The following AXIN1 variants were observed in gnomAD, a reference collection of about 807,000 sequenced individuals.
The protein encoded by AXIN1 is axin 1, also known as axin-1.
Under a neutral mutation model 76.4 loss-of-function variants are expected in AXIN1, and 30 were observed. The ratio of observed to expected loss-of-function variants is 0.39; its 90% confidence interval spans 0.29 to 0.53. The LOEUF (loss-of-function observed/expected upper bound fraction) is 0.53. AXIN1 is among the 20% of genes least tolerant of loss of function. AXIN1 has a pLI of 0.66. For synonymous variants in AXIN1, 545 were observed against 501.4 expected, an observed-to-expected ratio of 1.09 and a Z score of -1.16; for missense variants, 1,140 against 1,198.8, an observed-to-expected ratio of 0.95 and a Z score of 0.72.
chr16:303,134 T>C (rs1430082363), intron 5 of AXIN1, among the ~76,000 whole-genome samples: 1 of 152,012 alleles, frequency 6.6e-6, no homozygotes, highest in East Asian at 1.9e-4. Context: ...AGTGTTGGGG[T>C]CACAGGTGTG....
At chr16:326,736 CAAAA>C (rs59159771) in intron 2 of AXIN1, among the ~76,000 whole-genome samples, 1 of 121,238 alleles carries the variant, frequency 8.2e-6, no homozygotes, top group African/African-American at 3.0e-5. Context: ...AGAGTGGGAT[CAAAA>C]AAAAAAAAAA....
chr16:301,793 C>G (rs990821875), intron 5 of AXIN1, among the ~76,000 whole-genome samples: 2 of 152,160 alleles, frequency 1.3e-5, no homozygotes, highest in African/African-American at 4.8e-5. Flanking sequence ...GACACAACAA[C>G]AAAACAGCAA....
intron 2 of AXIN1, among the ~76,000 whole-genome samples, chr16:332,742 A>G (rs2053720860): frequency 6.6e-6 from 1 of 151,930 alleles, no homozygotes; most frequent in South Asian, 2.1e-4. Context: ...TTGAAAAGAT[A>G]TGAAAACACA....
chr16:346,135 G>T lies in AXIN1; in HGVS notation c.878+13C>A, dbSNP rs921695503. 82 of 1,612,104 alleles carry T rather than the reference G, an allele frequency of 5.1e-5. No homozygotes were observed. The highest frequency in any genetic ancestry group is 7.0e-5 in the Non-Finnish European group (82 of 1,179,230). On this transcript the variant is annotated intron_variant, in intron 2 of 10. Transcript: ENST00000262320. Reference sequence around the variant, plus strand: ...GGTGAGTACAGAAAGTGGACGCCTGGCGTCGGACTCACCTGAACTCTCTGC... The same window carrying T: ...GGTGAGTACAGAAAGTGGACGCCTGTCGTCGGACTCACCTGAACTCTCTGC...
chr16:311,940 G>A (rs532104089), intron 3 of AXIN1, among the ~76,000 whole-genome samples: 11 of 152,146 alleles, frequency 7.2e-5, no homozygotes, highest in African/African-American at 2.2e-4. Flanking sequence ...AGGCATCCTC[G>A]GCTGTCACAG....
intron 4 of AXIN1, among the ~76,000 whole-genome samples, chr16:308,642 C>T (rs140420717): frequency 3.9e-5 from 6 of 152,354 alleles, no homozygotes; most frequent in Non-Finnish European, 8.8e-5. Flanking sequence ...AATCAGAGGC[C>T]GGTGGCTGTG....
At chr16:316,705 G>A (rs2053310503) in intron 2 of AXIN1, among the ~76,000 whole-genome samples, 1 of 151,912 alleles carries the variant, frequency 6.6e-6, no homozygotes, top group African/African-American at 2.4e-5. Flanking sequence ...CACCCTGACA[G>A]TCGTCAGCCT....
chr16:350,956 AC>A (rs1173360703), intron 1 of AXIN1, among the ~76,000 whole-genome samples: 2 of 151,758 alleles, frequency 1.3e-5, no homozygotes, highest in Non-Finnish European at 2.9e-5. Flanking sequence ...ACATACAGAA[AC>A]CCCATCTCTA....
rs2052430277 is a variant in AXIN1, at chr16:287,955, C to T, written c.*167G>A. On this transcript the variant is annotated 3_prime_UTR_variant, in exon 11 of 11. Transcript: ENST00000262320. ...GGGCAGGACAGAAGCTTGTGGACCA[C>T]TTGGAGGGACCCCCTACCTGCCTCT... 3 of 1,163,794 alleles carry T rather than the reference C, an allele frequency of 2.6e-6. No individual in the cohort carries two copies. The highest frequency in any genetic ancestry group is 3.8e-6 in the Non-Finnish European group (3 of 795,332). 72.1% of individuals were successfully genotyped at this position (1,163,794 alleles called of 1,614,324 possible).
chr16:303,666 A>C (rs1196584926), intron 5 of AXIN1, among the ~76,000 whole-genome samples: 2 of 151,972 alleles, frequency 1.3e-5, no homozygotes, highest in Admixed American at 1.3e-4. Flanking sequence ...TACAGGTGTG[A>C]GCCACTCGCC....
intron 2 of AXIN1, among the ~76,000 whole-genome samples, chr16:328,823 T>A (rs949638482): frequency 2.0e-5 from 3 of 151,528 alleles, no homozygotes; most frequent in African/African-American, 7.3e-5. Flanking sequence ...GCAGGGAGAG[T>A]GTGGCCGGGC....
intron 2 of AXIN1, among the ~76,000 whole-genome samples, chr16:315,421 G>A (rs1456293185): frequency 6.6e-6 from 1 of 152,164 alleles, no homozygotes; most frequent in Non-Finnish European, 1.5e-5. Context: ...TCTTCAAATA[G>A]ACTTGTTATT....
intron 2 of AXIN1, among the ~76,000 whole-genome samples, chr16:335,813 GAGA>G (rs1245806930): frequency 6.6e-6 from 1 of 151,892 alleles, no homozygotes; most frequent in African/African-American, 2.4e-5. Flanking sequence ...TTACAGTGAG[GAGA>G]AGAATATTCA....
Position 293,308 on chromosome 16 carries a change from C to T in AXIN1, c.2186+180G>A, listed in dbSNP as rs2052620057. ...CTCCAGCCCCAGCCTCCGTCCACCG[C>T]AGGGTGGCCTGCCACGTGGCCCCTC... is the stretch of plus-strand genomic sequence containing the variant. On this transcript the variant is annotated intron_variant, in intron 8 of 10. Coordinates refer to ENST00000262320, the MANE Select transcript of AXIN1 (RefSeq NM_003502.4). The surrounding 1 kb of genome is among the most constrained non-coding windows in gnomAD (Gnocchi z 4.6). 1 of 657,960 alleles carries T rather than the reference C, an allele frequency of 1.5e-6. No individual in the cohort carries two copies. Among genetic ancestry groups the T allele is most frequent in the Non-Finnish European group, 2.6e-6 (1 of 385,364 alleles). The allele number at this position is 657,960 out of a possible 1,614,324, so 40.8% of individuals were successfully genotyped here. A position where few individuals can be genotyped will look rare whatever the true frequency, so the allele number is the denominator to read the frequency against.
At position 331,750 on chromosome 16, in the gene AXIN1, G is replaced by A. The variant is rs190174991; in HGVS notation, c.878+14398C>T. Among the ~76,000 whole-genome samples the A allele has an allele frequency of 3.6e-3, 542 of 152,282 alleles. 2 individuals are homozygous for A. The highest frequency in any genetic ancestry group is 0.012 in the African/African-American group (516 of 41,550). On this transcript the variant is annotated intron_variant, in intron 2 of 10. Transcript: ENST00000262320. ...CCAACATAACTCCACACTGCACCAC[G>A]AAGCTATAAATTCCAAAGCTAATGG...
In AXIN1 at chr16:287,929, G is replaced by T; in HGVS notation, c.*193C>A. On this transcript the variant is annotated 3_prime_UTR_variant, in exon 11 of 11. Coordinates refer to ENST00000262320, the MANE Select transcript of AXIN1 (RefSeq NM_003502.4). ...AGGAGTGGTCCAGGCTGCCTCCTTG[G>T]GGGCAGGACAGAAGCTTGTGGACCA... The T allele has an allele frequency of 3.4e-6, 3 of 888,400 alleles. No homozygotes were observed. The highest frequency in any genetic ancestry group is 5.3e-6 in the Non-Finnish European group (3 of 561,216). 55.0% of individuals were successfully genotyped at this position (888,400 alleles called of 1,614,324 possible). A position where few individuals can be genotyped will look rare whatever the true frequency, so the allele number is the denominator to read the frequency against.
chr16:352,653 TCCCGAGCCAGAG>T lies in AXIN1; in HGVS notation c.-378_-367del, dbSNP rs899102607. 7 of 155,812 alleles carry T rather than the reference TCCCGAGCCAGAG, an allele frequency of 4.5e-5. No homozygotes were observed. In the East Asian group the frequency reaches 5.0e-4, roughly 11 times the overall value. 9.7% of individuals were successfully genotyped at this position (155,812 alleles called of 1,614,324 possible). A position where few individuals can be genotyped will look rare whatever the true frequency, so the allele number is the denominator to read the frequency against. On this transcript the variant is annotated 5_prime_UTR_variant, in exon 1 of 11. Coordinates refer to ENST00000262320, the MANE Select transcript of AXIN1 (RefSeq NM_003502.4). ...GGCGGCGGCAGCGGCCACGATCGCC[TCCCGAGCCAGAG>T]CCCGAGCCAGAGCGCCGAAGCCCAG...
intron 2 of AXIN1, among the ~76,000 whole-genome samples, chr16:316,086 A>C (rs1226835825): frequency 6.6e-6 from 1 of 151,932 alleles, no homozygotes; most frequent in Non-Finnish European, 1.5e-5. Context: ...CAGATATTCC[A>C]ATCTTTTCCT....
At chr16:338,166 C>G (rs1044815558) in intron 2 of AXIN1, among the ~76,000 whole-genome samples, 2 of 152,210 alleles carry the variant, frequency 1.3e-5, no homozygotes, top group South Asian at 2.1e-4. Context: ...CTACAAATGA[C>G]GTCTGCGTTT....
Sources: allele counts gnomAD v4.1 joint callset (sites outside exome capture counted in the v4.1 genomes callset), GRCh38; gene constraint gnomAD v4.1.1; non-coding constraint Gnocchi (gnomAD v3.1); transcripts MANE v1.5; gene names NCBI Gene and HGNC (gene_info 2026-07-23, HGNC 2026-07-21).